EPHB3: variants seen among roughly 807,000 people sequenced by gnomAD.
EPHB3 encodes the protein EPH receptor B3.
In EPHB3, 33 loss-of-function variants were observed where a neutral mutation model predicts 100.2. That is an observed-to-expected ratio of 0.33 (90% confidence interval 0.25 to 0.44). The LOEUF (loss-of-function observed/expected upper bound fraction) is 0.44. Among genes scored for constraint, EPHB3 ranks in the 20% least tolerant of loss-of-function variants. The probability of loss-of-function intolerance (pLI) is 1.00; values close to 1 mark genes in which losing one functional copy is unlikely to be tolerated. For synonymous variants in EPHB3, 526 were observed against 554.7 expected (o/e 0.95, Z 0.73); for missense variants, 1,045 against 1,378.3 (o/e 0.76, Z 3.83).
At position 184,577,041 on chromosome 3, in the gene EPHB3, C is replaced by T. The variant is rs1321282370; in HGVS notation, c.1212C>T (p.Gly404=). The part of the protein sequence containing the change: ...DNVEFVPRQL[G]LTERRVHISH... ...TGGAGTTTGTGCCTCGGCAGCTGGG[C>T]CTGACGGAGCGCCGGGTCCACATCA... The change falls in exon 5 of 16, where the codon GGC becomes GGT. Residue 404 remains glycine, a synonymous_variant. Transcript: ENST00000330394. The surrounding 1 kb of genome is among the most constrained non-coding windows in gnomAD (Gnocchi z 4.9). 3.1e-6 allele frequency: 5 copies of T among 1,613,768 alleles called. No individual in the cohort carries two copies. The African/African-American group carries it at 5.3e-5, about 17-fold the overall frequency.
rs762655666 is a variant in EPHB3 at position 184,581,613 on chromosome 3, G to A, written c.2988G>A (p.Val996=). 6 of 1,610,908 alleles carry A rather than the reference G, an allele frequency of 3.7e-6. No homozygotes were observed. Among genetic ancestry groups the A allele is most frequent in the Middle Eastern group, 3.3e-4 (2 of 6,068 alleles). ...TGCAGATGAACCAGACGCTGCCTGT[G>A]CAGGTCTGACACCGGCTCCCACGGG... The part of the protein sequence containing the change: ...MRLQMNQTLP[V]QV The change falls in exon 16 of 16, where the codon GTG becomes GTA. Residue 996 remains valine, a synonymous_variant. Coordinates refer to ENST00000330394, the MANE Select transcript of EPHB3 (RefSeq NM_004443.4).
chr3:184,577,441 G>T lies in EPHB3; in HGVS notation c.1453G>T (p.Asp485Tyr). 6.2e-7 allele frequency: 1 copy of T among 1,614,002 alleles called. No individual in the cohort carries two copies. Among genetic ancestry groups the T allele is most frequent in the South Asian group, 1.1e-5 (1 of 91,062 alleles). Reference sequence around the variant, plus strand: ...AGAGCGGCCCAACGGAGTCATCCTGGACTACGAGATGAAGTACTTTGAGAA... The same window carrying T: ...AGAGCGGCCCAACGGAGTCATCCTGTACTACGAGATGAAGTACTTTGAGAA... ...PPERPNGVIL[D>Y]YEMKYFEKSE... is the part of the protein sequence containing the mutation. Residue 485 changes from aspartate to tyrosine, a missense_variant, in exon 6 of 16, where the codon GAC becomes TAC. Physicochemically the swap from Asp to Tyr is radical, Grantham distance 160. This residue lies in a region of EPHB3 where 985 missense variants were observed against 1,331.1 expected (regional missense o/e 0.74). Coordinates refer to ENST00000330394, the MANE Select transcript of EPHB3 (RefSeq NM_004443.4). This position sits in a 1 kb window ranked among gnomAD's most constrained non-coding sequence, Gnocchi z 4.9.
Position 184,569,450 on chromosome 3 carries a change from C to G in EPHB3, c.119-1868C>G, listed in dbSNP as rs1174362737. On this transcript the variant is annotated intron_variant, in intron 1 of 15. Transcript: ENST00000330394. The surrounding 1 kb of genome is among the most constrained non-coding windows in gnomAD (Gnocchi z 5.4). ...CCGTGCCGCCCACCGCCCGCCAGCT[C>G]CAGTCGCTGCCCCGCCCGCCTCCCT... 3.3e-5 allele frequency among the ~76,000 whole-genome samples: 5 copies of G among 152,018 alleles called. No homozygotes were observed. Among genetic ancestry groups the G allele is most frequent in the African/African-American group, 9.6e-5 (4 of 41,478 alleles).
In EPHB3 at chr3:184,581,390, T is replaced by C; in HGVS notation, c.2870T>C (p.Val957Ala). ...VSAGFASFDL[V>A]AQMTAEDLLR... ...GCGGGGTTTGCATCTTTTGACCTGGTGGCCCAGATGACGGCAGAGTAAGTG... is the reference window on the plus strand; with the variant it reads ...GCGGGGTTTGCATCTTTTGACCTGGCGGCCCAGATGACGGCAGAGTAAGTG... The change falls in exon 15 of 16, where the codon GTG becomes GCG. Residue 957 changes from valine (V) to alanine (A), a missense_variant. Around this residue, in one of 2 missense-constraint regions of EPHB3, gnomAD observed 985 missense variants for 1,331.1 expected, o/e 0.74. Coordinates refer to ENST00000330394, the MANE Select transcript of EPHB3 (RefSeq NM_004443.4). The C allele has an allele frequency of 6.3e-7, 1 of 1,590,020 alleles. No individual in the cohort carries two copies. The highest frequency in any genetic ancestry group is 8.6e-7 in the Non-Finnish European group (1 of 1,167,000).
intron 3 of EPHB3, among the ~76,000 whole-genome samples, chr3:184,575,462 C>T (rs1434058450): frequency 6.6e-6 from 1 of 152,082 alleles, no homozygotes; most frequent in African/African-American, 2.4e-5. Flanking sequence ...CTCCACAGTG[C>T]CGGGTGCTGC....
At position 184,562,449 on chromosome 3, in the gene EPHB3, C is replaced by A; in HGVS notation, c.118+96C>A. 1 of 1,119,686 alleles carries A rather than the reference C, an allele frequency of 8.9e-7. No individual in the cohort carries two copies. Among genetic ancestry groups the A allele is most frequent in the South Asian group, 4.3e-5 (1 of 23,258 alleles). 69.4% of individuals were successfully genotyped at this position (1,119,686 alleles called of 1,614,324 possible). The stretch of plus-strand genomic sequence containing the variant: ...GGTCCGACCCGGATTGAGCGCACGT[C>A]GGAGGAGGCCCCGCCACCGGCGCCC... On this transcript the variant is annotated intron_variant, in intron 1 of 15. Transcript: ENST00000330394. The surrounding 1 kb of genome is among the most constrained non-coding windows in gnomAD (Gnocchi z 4.8).
At position 184,572,534 on chromosome 3, in the gene EPHB3, A is replaced by G. The variant is rs1489084532; in HGVS notation, c.214A>G (p.Met72Val). ...AGAGGTGAGTGGCTACGATGAGGCCATGAATCCCATCCGCACATACCAGGT... is the reference window on the plus strand; with the variant it reads ...AGAGGTGAGTGGCTACGATGAGGCCGTGAATCCCATCCGCACATACCAGGT... ...WEEVSGYDEA[M>V]NPIRTYQVCN... The change falls in exon 3 of 16, where the codon ATG becomes GTG. Residue 72 changes from methionine (M) to valine (V), a missense_variant. By Grantham distance (21) the Met-to-Val change is conservative. Transcript: ENST00000330394. This position sits in a 1 kb window ranked among gnomAD's most constrained non-coding sequence, Gnocchi z 6.6. The G allele has an allele frequency of 1.3e-6, 2 of 1,559,854 alleles. No individual in the cohort carries two copies. Among genetic ancestry groups the G allele is most frequent in the East Asian group, 2.3e-5 (1 of 44,070 alleles).
rs573759264 is a variant in EPHB3 at position 184,569,259 on chromosome 3, G to C, written c.119-2059G>C. Among the ~76,000 whole-genome samples, 1 of 151,918 alleles carries C rather than the reference G, an allele frequency of 6.6e-6. No individual in the cohort carries two copies. Among genetic ancestry groups the C allele is most frequent in the South Asian group, 2.1e-4 (1 of 4,816 alleles). ...GGCGCGCTTGCTCTGCCGGCTCCCG[G>C]GACTGACACTCGCGCTGCCGGCTGG... On this transcript the variant is annotated intron_variant, in intron 1 of 15. Transcript: ENST00000330394. The surrounding 1 kb of genome is among the most constrained non-coding windows in gnomAD (Gnocchi z 5.4).
chr3:184,578,562 T>A lies in EPHB3; in HGVS notation c.1801+96T>A. The stretch of plus-strand genomic sequence containing the variant: ...TGCCTGGGACTTCATTCCTTAGAGA[T>A]AAACCCTGAATGCCCCCTCCCACTT... On this transcript the variant is annotated intron_variant, in intron 9 of 15. Transcript: ENST00000330394. This position sits in a 1 kb window ranked among gnomAD's most constrained non-coding sequence, Gnocchi z 4.7. 6.6e-7 allele frequency: 1 copy of A among 1,525,900 alleles called. No homozygotes were observed. The allele number at this position is 1,525,900 out of a possible 1,614,324, so 94.5% of individuals were successfully genotyped here. A position where few individuals can be genotyped will look rare whatever the true frequency, so the allele number is the denominator to read the frequency against.
Position 184,572,772 on chromosome 3 carries a change from A to G in EPHB3, c.452A>G (p.Glu151Gly), listed in dbSNP as rs1199670978. 6.2e-7 allele frequency: 1 copy of G among 1,605,706 alleles called. No homozygotes were observed. Among genetic ancestry groups the G allele is most frequent in the Admixed American group, 1.7e-5 (1 of 57,862 alleles). Residue 151 changes from glutamate to glycine, a missense_variant, in exon 3 of 16, where the codon GAG becomes GGG. Physicochemically the swap from Glu to Gly is moderately conservative, Grantham distance 98 (BLOSUM62 -2). Transcript: ENST00000330394. The surrounding 1 kb of genome is among the most constrained non-coding windows in gnomAD (Gnocchi z 6.6). The stretch of plus-strand genomic sequence containing the variant: ...TCAGCCTCCTCCCCCTTCTGGATGG[A>G]GAACCCCTACGTGAAAGTGGACACC... ...VASASSPFWM[E>G]NPYVKVDTIA...
rs1343199123 is a variant in EPHB3, at chr3:184,571,714, T to C, written c.183+332T>C. On this transcript the variant is annotated intron_variant, in intron 2 of 15. Coordinates refer to ENST00000330394, the MANE Select transcript of EPHB3 (RefSeq NM_004443.4). This position sits in a 1 kb window ranked among gnomAD's most constrained non-coding sequence, Gnocchi z 5.0. ...TGGGTCCCTGGAGAAAACACTGGCT[T>C]GGAAACCTTAGTTCCAGATCTTTAA... is the stretch of plus-strand genomic sequence containing the variant. Among the ~76,000 whole-genome samples, 15 of 152,314 alleles carry C rather than the reference T, an allele frequency of 9.8e-5. No homozygotes were observed. In the South Asian group the frequency reaches 1.7e-3, roughly 17 times the overall value.
Position 184,581,008 on chromosome 3 carries a change from C to G in EPHB3, c.2575C>G (p.Pro859Ala). 1 of 1,613,348 alleles carries G rather than the reference C, an allele frequency of 6.2e-7. No homozygotes were observed. Among genetic ancestry groups the G allele is most frequent in the Non-Finnish European group, 8.5e-7 (1 of 1,179,408 alleles). Residue 859 changes from proline (P) to alanine (A), a missense_variant, in exon 14 of 16, where the codon CCA becomes GCA. Physicochemically the swap from Pro to Ala is conservative, Grantham distance 27. Around this residue, in one of 2 missense-constraint regions of EPHB3, gnomAD observed 985 missense variants for 1,331.1 expected, o/e 0.74. Coordinates refer to ENST00000330394, the MANE Select transcript of EPHB3 (RefSeq NM_004443.4). Reference sequence around the variant, plus strand: ...CGTGGAGCAGGATTACCGGCTGCCACCACCCATGGACTGTCCCACAGCACT... The same window carrying G: ...CGTGGAGCAGGATTACCGGCTGCCAGCACCCATGGACTGTCCCACAGCACT... ...NAVEQDYRLPPPMDCPTALHQ... is the reference protein window; with the variant it reads ...NAVEQDYRLPAPMDCPTALHQ...
Position 184,572,796 on chromosome 3 carries a change from C to A in EPHB3, c.476C>A (p.Thr159Asn). The A allele has an allele frequency of 1.3e-6, 2 of 1,594,492 alleles. No individual in the cohort carries two copies. The highest frequency in any genetic ancestry group is 1.7e-6 in the Non-Finnish European group (2 of 1,171,774). ...WMENPYVKVD[T>N]IAPDESFSRL... ...GAGAACCCCTACGTGAAAGTGGACA[C>A]CATTGCACCCGATGAGAGCTTCTCG... The change falls in exon 3 of 16, where the codon ACC (threonine) becomes AAC (asparagine). Residue 159 changes from threonine (T) to asparagine (N), a missense_variant. Physicochemically the swap from Thr to Asn is moderately conservative, Grantham distance 65. This residue lies in a region of EPHB3 where 985 missense variants were observed against 1,331.1 expected (regional missense o/e 0.74). Coordinates refer to ENST00000330394, the MANE Select transcript of EPHB3 (RefSeq NM_004443.4). This position sits in a 1 kb window ranked among gnomAD's most constrained non-coding sequence, Gnocchi z 6.6.
chr3:184,574,175 T>C (rs1714616831), intron 3 of EPHB3, among the ~76,000 whole-genome samples: 2 of 152,204 alleles, frequency 1.3e-5, no homozygotes. Context: ...ACCAGCTAAG[T>C]GTTGGCCATG....
chr3:184,576,784 C>G, intron 4 of EPHB3, 58 bp from the exon 5 acceptor site: 1 of 1,480,880 alleles, frequency 6.8e-7, no homozygotes, highest in Non-Finnish European at 9.0e-7. Context: ...GAACTCCGGG[C>G]AGAGGGATGG....
At chr3:184,570,102 C>G (rs182131669) in intron 1 of EPHB3, among the ~76,000 whole-genome samples, 252 of 152,328 alleles carry the variant, frequency 1.7e-3, no homozygotes, top group African/African-American at 5.8e-3. Context: ...GTGAAACAGA[C>G]AAGAAACCAG....
rs760921373 is a variant in EPHB3 at position 184,575,977 on chromosome 3, C to T, written c.1004C>T (p.Ala335Val). ...GCAGACTCGGACTCTGCGGACAGTG[C>T]CTGTACCAGTGAGTGAACGCGTGAC... is the stretch of plus-strand genomic sequence containing the variant. ...YRADSDSADS[A>V]CTTVPSPPRG... Residue 335 changes from alanine to valine, a missense_variant, in exon 4 of 16, where the codon GCC becomes GTC. Coordinates refer to ENST00000330394, the MANE Select transcript of EPHB3 (RefSeq NM_004443.4). 7 of 1,610,698 alleles carry T rather than the reference C, an allele frequency of 4.3e-6. No individual in the cohort carries two copies. The highest frequency in any genetic ancestry group is 2.2e-5 in the South Asian group (2 of 90,624).
Position 184,576,959 on chromosome 3 carries a change from G to A in EPHB3, c.1130G>A (p.Cys377Tyr), listed in dbSNP as rs762060127. The A allele has an allele frequency of 6.2e-7, 1 of 1,612,472 alleles. No individual in the cohort carries two copies. The highest frequency in any genetic ancestry group is 1.1e-5 in the South Asian group (1 of 90,890). The change falls in exon 5 of 16, where the codon TGC (cysteine) becomes TAC (tyrosine). Residue 377 changes from cysteine (C) to tyrosine (Y), a missense_variant. By Grantham distance (194) the Cys-to-Tyr change is radical. Transcript: ENST00000330394. ...GATGACCTCCTGTACAATGTCATCTGCAAGAAGTGCCATGGGGCTGGAGGG... is the reference window on the plus strand; with the variant it reads ...GATGACCTCCTGTACAATGTCATCTACAAGAAGTGCCATGGGGCTGGAGGG... ...GRDDLLYNVI[C>Y]KKCHGAGGAS... is the part of the protein sequence containing the mutation.
At position 184,572,247 on chromosome 3, in the gene EPHB3, T is replaced by C. The variant is rs1359973614; in HGVS notation, c.184-257T>C. Among the ~76,000 whole-genome samples, 1 of 152,194 alleles carries C rather than the reference T, an allele frequency of 6.6e-6. No individual in the cohort carries two copies. The highest frequency in any genetic ancestry group is 2.4e-5 in the African/African-American group (1 of 41,438). On this transcript the variant is annotated intron_variant, in intron 2 of 15. Transcript: ENST00000330394. The surrounding 1 kb of genome is among the most constrained non-coding windows in gnomAD (Gnocchi z 6.6). ...GTCCTGTCCTAAATGCTTTATTCAGTTAAAGTCATTATTCCTTACACATCT... is the reference window on the plus strand; with the variant it reads ...GTCCTGTCCTAAATGCTTTATTCAGCTAAAGTCATTATTCCTTACACATCT...
Sources: allele counts gnomAD v4.1 joint callset (sites outside exome capture counted in the v4.1 genomes callset), GRCh38; gene constraint gnomAD v4.1.1; regional missense constraint gnomAD v4.1.1; non-coding constraint Gnocchi (gnomAD v3.1); transcripts MANE v1.5; gene names NCBI Gene and HGNC (gene_info 2026-07-23, HGNC 2026-07-21).